The following NTNG1 variants were observed in gnomAD, a reference collection of about 807,000 sequenced individuals.
NTNG1 encodes the protein netrin-G1.
Under a neutral mutation model 54.0 loss-of-function variants are expected in NTNG1, and 16 were observed. The observed-to-expected ratio is 0.30, with a 90% CI of 0.20 to 0.45. NTNG1 has a LOEUF of 0.45. NTNG1 is among the 20% of genes least tolerant of loss of function. The pLI, the probability that NTNG1 is intolerant of heterozygous loss-of-function variation, is 1.00. For missense variants in NTNG1, 530 were observed against 678.7 expected (o/e 0.78, Z 2.43); for synonymous variants, 255 against 263.1 (o/e 0.97, Z 0.30).
At chr1:107,447,068 C>CAG (rs1237434708) in intron 7 of NTNG1, among the ~76,000 whole-genome samples, 1 of 151,140 alleles carries the variant, frequency 6.6e-6, no homozygotes, top group African/African-American at 2.4e-5. Flanking sequence ...ATTAACATTA[C>CAG]ATATTACAGA....
intron 2 of NTNG1, among the ~76,000 whole-genome samples, chr1:107,250,932 T>G (rs772258475): frequency 5.3e-5 from 8 of 152,258 alleles, no homozygotes; most frequent in Admixed American, 1.3e-4. Context: ...TTTGTTTAAA[T>G]ACAACATCTA....
intron 2 of NTNG1, among the ~76,000 whole-genome samples, chr1:107,180,097 A>G (rs1656958371): frequency 6.6e-6 from 1 of 152,148 alleles, no homozygotes; most frequent in Admixed American, 6.6e-5. Flanking sequence ...ACCTGGATTG[A>G]TTTCCACCCC....
At chr1:107,399,204 T>G (rs1403154224) in intron 4 of NTNG1, among the ~76,000 whole-genome samples, 2 of 152,180 alleles carry the variant, frequency 1.3e-5, no homozygotes, top group Non-Finnish European at 2.9e-5. Context: ...TTTCTCAAAC[T>G]TATTTGCTCC....
At position 107,161,660 on chromosome 1, in the gene NTNG1, CA is replaced by C. The variant is rs35347655; in HGVS notation, c.246+12834del. On this transcript the variant is annotated intron_variant, in intron 2 of 7. Transcript: ENST00000370068. ...TGGGTGACAGAGTGAAACTGTGTCT[CA>C]AAAAAAAAAAAAGAAAAAAAGAAAA... Among the ~76,000 whole-genome samples the C allele has an allele frequency of 3.6e-3, 347 of 95,110 alleles. 1 individual carries two copies. Among genetic ancestry groups the C allele is most frequent in the Middle Eastern group, 0.016 (2 of 122 alleles). 62.4% of individuals were successfully genotyped at this position (95,110 alleles called of 152,430 possible).
chr1:107,324,410 G>C lies in NTNG1; in HGVS notation c.375G>C (p.Glu125Asp). Residue 125 changes from glutamate (E) to aspartate (D), a missense_variant, in exon 3 of 8, where the codon GAG becomes GAC. Physicochemically the swap from Glu to Asp is conservative, Grantham distance 45 (BLOSUM62 2). This residue lies in a region of NTNG1 where 318 missense variants were observed against 465.1 expected (regional missense o/e 0.68). Coordinates refer to ENST00000370068, the MANE Select transcript of NTNG1 (RefSeq NM_001113226.3). ...TTTGGCAGTCTGCCACTTGGAAGGA[G>C]TATCCCAAGCCTCTCCAGGTTAACA... ...STFWQSATWK[E>D]YPKPLQVNIT... The C allele has an allele frequency of 6.2e-7, 1 of 1,613,858 alleles. No homozygotes were observed. Among genetic ancestry groups the C allele is most frequent in the East Asian group, 2.2e-5 (1 of 44,842 alleles).
chr1:107,277,669 A>G lies in NTNG1; in HGVS notation c.247-46613A>G, dbSNP rs138232634. Among the ~76,000 whole-genome samples, 7 of 152,320 alleles carry G rather than the reference A, an allele frequency of 4.6e-5. No individual in the cohort carries two copies. The East Asian group carries it at 1.2e-3, about 25-fold the overall frequency. On this transcript the variant is annotated intron_variant, in intron 2 of 7. Coordinates refer to ENST00000370068, the MANE Select transcript of NTNG1 (RefSeq NM_001113226.3). Reference sequence around the variant, plus strand: ...GTTTCTAATGAGTAGATGTTCTACTAAGGTCATAGTTTTTTGGATCTTACA... The same window carrying G: ...GTTTCTAATGAGTAGATGTTCTACTGAGGTCATAGTTTTTTGGATCTTACA...
intron 2 of NTNG1, among the ~76,000 whole-genome samples, chr1:107,291,462 A>G (rs1011713669): frequency 4.2e-4 from 64 of 152,158 alleles, no homozygotes; most frequent in Admixed American, 1.2e-3. Flanking sequence ...TCGTTCAAGG[A>G]TCAACTGTAC....
At chr1:107,255,263 A>G (rs531081364) in intron 2 of NTNG1, among the ~76,000 whole-genome samples, 1 of 152,344 alleles carries the variant, frequency 6.6e-6, no homozygotes, top group African/African-American at 2.4e-5. Context: ...ATCATTTTGA[A>G]CTTAAGATTA....
chr1:107,309,611 A>G lies in NTNG1; in HGVS notation c.247-14671A>G, dbSNP rs371081928. ...TATGCCCACTACTGGCATTCTTACC[A>G]AATCTTGCTTTTGATTCTGCTTCAT... On this transcript the variant is annotated intron_variant, in intron 2 of 7. Coordinates refer to ENST00000370068, the MANE Select transcript of NTNG1 (RefSeq NM_001113226.3). 1.3e-3 allele frequency among the ~76,000 whole-genome samples: 198 copies of G among 152,304 alleles called. 1 individual carries two copies. The highest frequency in any genetic ancestry group is 4.6e-3 in the African/African-American group (193 of 41,578).
rs569484189 is a variant in NTNG1, at chr1:107,399,912, T to C, written c.1060+4586T>C. 2.0e-5 allele frequency among the ~76,000 whole-genome samples: 3 copies of C among 152,282 alleles called. No individual in the cohort carries two copies. The South Asian group carries it at 6.2e-4, about 32-fold the overall frequency. On this transcript the variant is annotated intron_variant, in intron 4 of 7. Transcript: ENST00000370068. ...TGCCCTCTTCCTTCATCTCTGCCTG[T>C]TATTTTTCTGCCTTCAAAGATTCCC...
intron 3 of NTNG1, among the ~76,000 whole-genome samples, chr1:107,337,964 G>A (rs1185190384): frequency 6.6e-6 from 1 of 151,974 alleles, no homozygotes; most frequent in Non-Finnish European, 1.5e-5. Flanking sequence ...GAGCAAGGGA[G>A]CTTAAGGGGC....
intron 5 of NTNG1, chr1:107,418,574 G>C: frequency 1.9e-6 from 3 of 1,592,400 alleles, no homozygotes; most frequent in Non-Finnish European, 2.6e-6. Context: ...TTCCTGATGC[G>C]TGCAGATCCT....
intron 2 of NTNG1, among the ~76,000 whole-genome samples, chr1:107,178,540 C>T (rs1015447923): frequency 7.3e-5 from 11 of 151,718 alleles, no homozygotes; most frequent in Non-Finnish European, 1.0e-4. Flanking sequence ...GTTTTATCTT[C>T]ATTTTGTTAG....
intron 3 of NTNG1, among the ~76,000 whole-genome samples, chr1:107,357,976 A>G (rs926659276): frequency 6.6e-6 from 1 of 152,198 alleles, no homozygotes; most frequent in Non-Finnish European, 1.5e-5. Flanking sequence ...CTTCTATGTA[A>G]GTCAAATCGT....
chr1:107,303,061 A>G (rs1666422289), intron 2 of NTNG1, among the ~76,000 whole-genome samples: 2 of 152,222 alleles, frequency 1.3e-5, no homozygotes, highest in South Asian at 4.1e-4. Flanking sequence ...CTGCAGCAAG[A>G]TATAAAAGAA....
At chr1:107,461,889 A>G (rs540561) in intron 7 of NTNG1, among the ~76,000 whole-genome samples, 146,815 of 152,192 alleles carry the variant, frequency 0.96, 71,053 homozygotes, top group East Asian at 1. Context: ...GTGCCATGAT[A>G]TAGGAGTTTA....
In NTNG1 at chr1:107,325,009, T is replaced by A; in HGVS notation, c.887+87T>A. 4 of 1,358,744 alleles carry A rather than the reference T, an allele frequency of 2.9e-6. No homozygotes were observed. In the South Asian group the frequency reaches 4.2e-5, roughly 14 times the overall value. The allele number at this position is 1,358,744 out of a possible 1,614,324, so 84.2% of individuals were successfully genotyped here. A position where few individuals can be genotyped will look rare whatever the true frequency, so the allele number is the denominator to read the frequency against. The stretch of plus-strand genomic sequence containing the variant: ...TCTCACAGCTGTAAAGTGACATTTG[T>A]CAATTTCTACTGCAACGTTTTCTTC... On this transcript the variant is annotated intron_variant, in intron 3 of 7. Transcript: ENST00000370068.
chr1:107,263,978 A>G (rs1470636436), intron 2 of NTNG1, among the ~76,000 whole-genome samples: 1 of 152,204 alleles, frequency 6.6e-6, no homozygotes, highest in African/African-American at 2.4e-5. Flanking sequence ...TATGGTTCTT[A>G]TCATAGTTTG....
At chr1:107,360,048 C>G (rs1670171861) in intron 3 of NTNG1, among the ~76,000 whole-genome samples, 1 of 152,174 alleles carries the variant, frequency 6.6e-6, no homozygotes, top group South Asian at 2.1e-4. Context: ...ATGGTTGCTG[C>G]TCCCGCCACA....
Sources: gnomAD v4.1 joint callset for allele counts (sites outside exome capture counted in the v4.1 genomes callset) on GRCh38, gnomAD v4.1.1 for gene constraint, gnomAD v4.1.1 regional missense constraint, MANE v1.5 for transcripts, NCBI Gene and HGNC (gene_info 2026-07-23, HGNC 2026-07-21) for gene names.